The following TRRAP variants were observed in gnomAD, a reference collection of about 807,000 sequenced individuals.
TRRAP encodes transformation/transcription domain-associated protein.
TRRAP carries 41 observed loss-of-function variants against 438.8 expected under a neutral mutation model. The ratio of observed to expected loss-of-function variants is 0.09; its 90% CI spans 0.07 to 0.12. The LOEUF (loss-of-function observed/expected upper bound fraction) is 0.12. TRRAP is among the 10% of genes least tolerant of loss of function. The pLI, the probability that TRRAP is intolerant of heterozygous loss-of-function variation, is 1.00. For synonymous variants in TRRAP, 1,994 were observed against 1,962.9 expected (o/e 1.02, Z -0.42); for missense variants, 3,122 against 5,055.1 (o/e 0.62, Z 11.60).
At position 98,903,423 on chromosome 7, in the gene TRRAP, C is replaced by G. The variant is rs142775877; in HGVS notation, c.942C>G (p.Leu314=). The change falls in exon 12 of 73, where the codon CTC becomes CTG. Residue 314 remains leucine (L), a synonymous_variant. Coordinates refer to ENST00000456197, the MANE Select transcript of TRRAP (RefSeq NM_001375524.1). ...KYSQQMVKGM[L]QLLSNCPAET... is the part of the protein sequence containing the mutation. The stretch of plus-strand genomic sequence containing the variant: ...CTCAGCAGATGGTGAAAGGAATGCT[C>G]CAGTTACTTTCAAATTGTCCAGCAG... The G allele has an allele frequency of 2.4e-5, 39 of 1,614,170 alleles. No homozygotes were observed. The African/African-American group carries it at 4.8e-4, about 20-fold the overall frequency.
intron 53 of TRRAP, among the ~76,000 whole-genome samples, chr7:98,974,442 T>G (rs966387749): frequency 6.6e-6 from 1 of 152,138 alleles, no homozygotes; most frequent in Non-Finnish European, 1.5e-5. Flanking sequence ...GTCTGGCCAT[T>G]GTTCCCTGTG....
chr7:98,942,865 T>C lies in TRRAP; in HGVS notation c.4405-84T>C, dbSNP rs145763452. Reference sequence around the variant, plus strand: ...ACTGCAGTTCTCACACTAAACACGATGGAAATGAATGATTACATAGTAGTT... The same window carrying C: ...ACTGCAGTTCTCACACTAAACACGACGGAAATGAATGATTACATAGTAGTT... On this transcript the variant is annotated intron_variant, in intron 30 of 72. Transcript: ENST00000456197. The C allele has an allele frequency of 2.3e-4, 334 of 1,468,296 alleles. No homozygotes were observed. In the African/African-American group the frequency reaches 4.5e-3, roughly 20 times the overall value. 91.0% of individuals were successfully genotyped at this position (1,468,296 alleles called of 1,614,324 possible).
chr7:98,925,345 G>C, intron 22 of TRRAP, 82 bp downstream of exon 22: 1 of 1,546,362 alleles, frequency 6.5e-7, no homozygotes, highest in African/African-American at 1.4e-5. Context: ...CAGGTTTCCT[G>C]GTGCTAGGAG....
chr7:98,925,613 T>C (rs1241256072), intron 22 of TRRAP, among the ~76,000 whole-genome samples: 2 of 152,258 alleles, frequency 1.3e-5, no homozygotes, highest in Admixed American at 6.5e-5. Flanking sequence ...GTGGACCCTC[T>C]GCATTTTCAT....
At chr7:98,957,068 T>A (rs1180537317) in intron 43 of TRRAP, among the ~76,000 whole-genome samples, 1 of 152,166 alleles carries the variant, frequency 6.6e-6, no homozygotes, top group Non-Finnish European at 1.5e-5. Flanking sequence ...CCATCTTATG[T>A]GGCACCCATG....
Position 98,978,664 on chromosome 7 carries a change from C to G in TRRAP, c.8499-105C>G, listed in dbSNP as rs1263266313. 4.0e-6 allele frequency: 6 copies of G among 1,487,512 alleles called. No homozygotes were observed. In the Admixed American group the frequency reaches 5.1e-5, roughly 13 times the overall value. 92.1% of individuals were successfully genotyped at this position (1,487,512 alleles called of 1,614,324 possible). A position where few individuals can be genotyped will look rare whatever the true frequency, so the allele number is the denominator to read the frequency against. ...AGAAGTCCACTCTTACTGTGTTGTT[C>G]TTCTGTAGAATGGAAATTTGCTCCT... On this transcript the variant is annotated intron_variant, in intron 57 of 72. Coordinates refer to ENST00000456197, the MANE Select transcript of TRRAP (RefSeq NM_001375524.1).
At chr7:98,995,958 C>T (rs1562977038) in intron 67 of TRRAP, among the ~76,000 whole-genome samples, 1 of 148,952 alleles carries the variant, frequency 6.7e-6, no homozygotes, top group African/African-American at 2.5e-5. Flanking sequence ...GTCCCATCCT[C>T]GCATCCCCAT....
At chr7:99,003,427 C>T (rs576677293) in intron 67 of TRRAP, among the ~76,000 whole-genome samples, 9 of 152,300 alleles carry the variant, frequency 5.9e-5, no homozygotes, top group African/African-American at 2.2e-4. Context: ...AGCTTTGACA[C>T]GAGACCTAGG....
chr7:99,002,388 TGGTGTGGGAGGAAGAG>T (rs1470670066), intron 67 of TRRAP, among the ~76,000 whole-genome samples: 1 of 152,242 alleles, frequency 6.6e-6, no homozygotes, highest in African/African-American at 2.4e-5. Context: ...CATAGGATGC[TGGTGTGGGAGGAAGAG>T]GGTTAGGAGT....
intron 19 of TRRAP, among the ~76,000 whole-genome samples, chr7:98,916,361 T>C (rs188082760): frequency 1.3e-5 from 2 of 152,346 alleles, no homozygotes; most frequent in East Asian, 3.9e-4. Flanking sequence ...AATTCCTGTA[T>C]AATTAGGAAT....
At position 99,011,311 on chromosome 7, in the gene TRRAP, G is replaced by A. The variant is rs1277167745; in HGVS notation, c.11143-30G>A. ...CTCGTGACATCGCCTTTCTGCTGAA[G>A]TTCCTAAAGTGTCTCCTTCTGAAAT... On this transcript the variant is annotated intron_variant, in intron 71 of 72. Transcript: ENST00000456197. The surrounding 1 kb of genome is among the most constrained non-coding windows in gnomAD (Gnocchi z 7.1). 1 of 1,612,702 alleles carries A rather than the reference G, an allele frequency of 6.2e-7. No individual in the cohort carries two copies. Among genetic ancestry groups the A allele is most frequent in the African/African-American group, 1.3e-5 (1 of 74,894 alleles).
intron 64 of TRRAP, among the ~76,000 whole-genome samples, chr7:98,991,148 T>A (rs1242223646): frequency 1.3e-5 from 2 of 152,208 alleles, no homozygotes; most frequent in Admixed American, 1.3e-4. Flanking sequence ...GGAAAGGCTC[T>A]CATAACCATC....
intron 30 of TRRAP, 147 bp from the exon 31 acceptor site, chr7:98,942,802 C>CA: frequency 2.4e-6 from 2 of 821,188 alleles, no homozygotes. Context: ...TTATTCTCAT[C>CA]ACTAGTTAGA....
intron 1 of TRRAP, among the ~76,000 whole-genome samples, chr7:98,879,496 A>C (rs1554402694): frequency 4.7e-5 from 7 of 149,312 alleles, no homozygotes; most frequent in Non-Finnish European, 1.0e-4. Flanking sequence ...CGTAACCCCG[A>C]GTCTTGGGTC....
intron 11 of TRRAP, among the ~76,000 whole-genome samples, chr7:98,901,272 AGAGG>A (rs1271817739): frequency 7.2e-5 from 11 of 152,240 alleles, no homozygotes. Flanking sequence ...TGGCGAACAG[AGAGG>A]GAGAGTTCTC....
chr7:98,912,124 G>T lies in TRRAP; in HGVS notation c.2110G>T (p.Val704Leu). ...LDRLPEMGSN[V>L]ELSNLYLKLF... ...TCGCCTGCCAGAAATGGGCTCCAACGTGGAGCTCTCCAACCTGTACCTCAA... is the reference window on the plus strand; with the variant it reads ...TCGCCTGCCAGAAATGGGCTCCAACTTGGAGCTCTCCAACCTGTACCTCAA... The change falls in exon 18 of 73, where the codon GTG becomes TTG. Residue 704 changes from valine to leucine, a missense_variant. Around this residue, in one of 24 missense-constraint regions of TRRAP, gnomAD observed 149 missense variants for 302.8 expected, o/e 0.49. Transcript: ENST00000456197. 6.2e-7 allele frequency: 1 copy of T among 1,614,178 alleles called. No individual in the cohort carries two copies. The highest frequency in any genetic ancestry group is 8.5e-7 in the Non-Finnish European group (1 of 1,180,030).
intron 3 of TRRAP, among the ~76,000 whole-genome samples, chr7:98,882,822 C>G (rs1554403383): frequency 6.8e-6 from 1 of 146,032 alleles, no homozygotes; most frequent in African/African-American, 2.5e-5. Context: ...CCACACCCGG[C>G]TGATTTTTGC....
At chr7:98,937,525 A>G (rs1156499329) in intron 29 of TRRAP, 125 bp from the exon 30 acceptor site, 1 of 1,157,450 alleles carries the variant, frequency 8.6e-7, no homozygotes, top group Non-Finnish European at 1.2e-6. Flanking sequence ...GAAATAGTAT[A>G]TGATTAATAT....
intron 70 of TRRAP, 78 bp from the exon 71 acceptor site, chr7:99,010,973 GA>G (rs1467826936): frequency 2.9e-5 from 41 of 1,403,386 alleles, no homozygotes; most frequent in Non-Finnish European, 3.8e-5. Context: ...AGTTAAAGAG[GA>G]ATTGCAATTT....
Sources: gnomAD v4.1 joint callset for allele counts (sites outside exome capture counted in the v4.1 genomes callset) on GRCh38, gnomAD v4.1.1 for gene constraint, gnomAD v4.1.1 regional missense constraint, Gnocchi (gnomAD v3.1) non-coding constraint, MANE v1.5 for transcripts, NCBI Gene and HGNC (gene_info 2026-07-23, HGNC 2026-07-21) for gene names.